The following SYCP1 variants were observed in gnomAD, a reference collection of about 807,000 sequenced individuals.
SYCP1 encodes synaptonemal complex protein 1, also known as cancer/testis antigen 8.
SYCP1 carries 64 observed loss-of-function variants against 153.1 expected under a neutral mutation model. That is an observed-to-expected ratio of 0.42 (90% CI 0.34 to 0.51). The LOEUF (loss-of-function observed/expected upper bound fraction) is 0.51. Ranked by LOEUF, SYCP1 falls within the 20% of genes least tolerant of loss-of-function variation. The pLI is 0.06. For missense variants in SYCP1, 997 were observed against 1,049.0 expected (o/e 0.95, Z 0.68); for synonymous variants, 384 against 341.8 (o/e 1.12, Z -1.36).
chr1:114,989,852 T>G (rs1488188732), intron 30 of SYCP1, among the ~76,000 whole-genome samples: 2 of 151,964 alleles, frequency 1.3e-5, no homozygotes, highest in East Asian at 3.9e-4. Context: ...TCTAAATATA[T>G]GAAGCAAAAC....
chr1:114,901,210 T>G (rs945825310), intron 16 of SYCP1, among the ~76,000 whole-genome samples: 5 of 152,122 alleles, frequency 3.3e-5, no homozygotes, highest in Admixed American at 2.0e-4. Context: ...CACTCAGATG[T>G]GCATTAAAAG....
At chr1:114,923,805 C>T (rs1669071725) in intron 21 of SYCP1, among the ~76,000 whole-genome samples, 1 of 151,974 alleles carries the variant, frequency 6.6e-6, no homozygotes, top group Non-Finnish European at 1.5e-5. Flanking sequence ...ATAAAAGGCT[C>T]ATACTTCAGT....
intron 29 of SYCP1, among the ~76,000 whole-genome samples, chr1:114,982,447 T>A (rs574694247): frequency 1.3e-5 from 2 of 151,980 alleles, no homozygotes; most frequent in East Asian, 3.9e-4. Flanking sequence ...ATCAGTTGAA[T>A]TATATTCAGG....
At chr1:114,928,052 C>G (rs1255033333) in intron 23 of SYCP1, among the ~76,000 whole-genome samples, 1 of 152,030 alleles carries the variant, frequency 6.6e-6, no homozygotes, top group Admixed American at 6.6e-5. Context: ...AACTCCTAGG[C>G]TCAAGTGATC....
intron 12 of SYCP1, among the ~76,000 whole-genome samples, chr1:114,883,326 T>A (rs894318372): frequency 6.6e-6 from 1 of 152,250 alleles, no homozygotes; most frequent in East Asian, 1.9e-4. Flanking sequence ...TACTTATTTT[T>A]AAATTTCATA....
intron 27 of SYCP1, among the ~76,000 whole-genome samples, chr1:114,974,180 T>C (rs1231429793): frequency 1.3e-5 from 2 of 151,918 alleles, no homozygotes; most frequent in Non-Finnish European, 2.9e-5. Context: ...TATTTGTTGA[T>C]ATGATATGTA....
intron 23 of SYCP1, among the ~76,000 whole-genome samples, chr1:114,937,381 T>C (rs1032267904): frequency 6.6e-6 from 1 of 152,192 alleles, no homozygotes; most frequent in Non-Finnish European, 1.5e-5. Context: ...TTATACCTTA[T>C]ACAAAAATTA....
intron 27 of SYCP1, among the ~76,000 whole-genome samples, chr1:114,962,908 T>C (rs1176988649): frequency 2.0e-5 from 3 of 152,226 alleles, no homozygotes; most frequent in Non-Finnish European, 4.4e-5. Context: ...AAAAAGACTT[T>C]ATCTTTTCTT....
chr1:114,947,606 G>A (rs902391971), intron 27 of SYCP1, among the ~76,000 whole-genome samples: 3 of 151,776 alleles, frequency 2.0e-5, no homozygotes, highest in Middle Eastern at 3.4e-3. Flanking sequence ...GAGGTCAGGA[G>A]ATCGAGACCA....
chr1:114,903,105 G>A (rs1202847717), intron 16 of SYCP1, among the ~76,000 whole-genome samples: 5 of 152,148 alleles, frequency 3.3e-5, no homozygotes, highest in African/African-American at 1.2e-4. Flanking sequence ...GCTTGAGCCC[G>A]GGAGGCGGAG....
At chr1:114,912,641 C>T (rs573191156) in intron 18 of SYCP1, among the ~76,000 whole-genome samples, 2 of 151,838 alleles carry the variant, frequency 1.3e-5, no homozygotes, top group East Asian at 1.9e-4. Flanking sequence ...GCTAATGCTT[C>T]GTGTACTACT....
chr1:114,953,105 A>T (rs1454090636), intron 27 of SYCP1, among the ~76,000 whole-genome samples: 1 of 152,206 alleles, frequency 6.6e-6, no homozygotes, highest in Non-Finnish European at 1.5e-5. Flanking sequence ...GATTCCTGCC[A>T]CCCATAAGGG....
rs200510767 is a variant in SYCP1 at position 114,908,655 on chromosome 1, AT to A, written c.1321-1733del. Among the ~76,000 whole-genome samples the A allele has an allele frequency of 5.5e-3, 828 of 151,376 alleles. 10 individuals are homozygous for A. The highest frequency in any genetic ancestry group is 0.019 in the African/African-American group (777 of 41,332). On this transcript the variant is annotated intron_variant, in intron 16 of 31. Transcript: ENST00000369522. ...TTGTGCTCCCATGAGCATTCAATGA[AT>A]TTTTTTTTACCAGCTCTAAAATTTC... is the stretch of plus-strand genomic sequence containing the variant.
chr1:114,956,123 T>C (rs1671418337), intron 27 of SYCP1, among the ~76,000 whole-genome samples: 1 of 152,184 alleles, frequency 6.6e-6, no homozygotes, highest in Admixed American at 6.5e-5. Context: ...TAAGCCATCC[T>C]GAATAGGATC....
At chr1:114,891,016 A>C (rs994975079) in intron 15 of SYCP1, among the ~76,000 whole-genome samples, 1 of 152,082 alleles carries the variant, frequency 6.6e-6, no homozygotes, top group Non-Finnish European at 1.5e-5. Flanking sequence ...CATTTGTCCT[A>C]ATCTTTATTC....
chr1:114,946,187 A>T, intron 25 of SYCP1, 102 bp from the exon 26 acceptor site: 1 of 380,420 alleles, frequency 2.6e-6, no homozygotes, highest in Non-Finnish European at 4.2e-6. Context: ...AATACTAAAT[A>T]ATTAATTAAA....
intron 19 of SYCP1, 31 bp downstream of exon 19, chr1:114,913,181 A>C (rs1668296021): frequency 1.3e-6 from 2 of 1,556,010 alleles, no homozygotes; most frequent in East Asian, 2.3e-5. Context: ...CTGGTGACTT[A>C]GTTTTCTTCC....
At chr1:114,890,456 A>C (rs1487226065) in intron 15 of SYCP1, among the ~76,000 whole-genome samples, 1 of 151,964 alleles carries the variant, frequency 6.6e-6, no homozygotes, top group Non-Finnish European at 1.5e-5. Flanking sequence ...ATACTAATAT[A>C]TTTTGGGTGA....
chr1:114,874,691 G>T (rs1665393492), intron 9 of SYCP1, 127 bp downstream of exon 9: 2 of 555,026 alleles, frequency 3.6e-6, no homozygotes, highest in South Asian at 3.5e-5. Flanking sequence ...ATATATTATT[G>T]TATCACTAAT....
Sources: gnomAD v4.1 joint callset for allele counts (sites outside exome capture counted in the v4.1 genomes callset) on GRCh38, gnomAD v4.1.1 for gene constraint, MANE v1.5 for transcripts, NCBI Gene and HGNC (gene_info 2026-07-23, HGNC 2026-07-21) for gene names.